The following BRD1 variants were observed in gnomAD, a reference collection of about 807,000 sequenced individuals.
BRD1 encodes bromodomain-containing protein 1.
A neutral mutation model predicts 107.7 loss-of-function variants in BRD1; 24 were observed. The observed-to-expected ratio is 0.22, with a 90% CI of 0.16 to 0.31. The LOEUF is 0.31. Among genes scored for constraint, BRD1 ranks in the 10% least tolerant of loss-of-function variants. The pLI is 1.00. For missense variants in BRD1, 1,279 were observed against 1,638.6 expected, an observed-to-expected ratio of 0.78 and a Z score of 3.79; for synonymous variants, 744 against 686.1, an observed-to-expected ratio of 1.08 and a Z score of -1.32.
At chr22:49,788,284 G>A (rs2059367900) in intron 7 of BRD1, among the ~76,000 whole-genome samples, 1 of 152,194 alleles carries the variant, frequency 6.6e-6, no homozygotes, top group Non-Finnish European at 1.5e-5. Flanking sequence ...GCTCTACTGG[G>A]CCACGAAGTT....
intron 8 of BRD1, among the ~76,000 whole-genome samples, chr22:49,787,154 A>G (rs1305077833): frequency 2.6e-5 from 4 of 152,234 alleles, no homozygotes; most frequent in African/African-American, 9.6e-5. Flanking sequence ...AGGGCAGCCC[A>G]GCAAGGTTGC....
intron 7 of BRD1, among the ~76,000 whole-genome samples, chr22:49,791,797 C>G (rs1320336584): frequency 2.6e-5 from 4 of 152,090 alleles, no homozygotes; most frequent in Non-Finnish European, 5.9e-5. Flanking sequence ...TCGGAGTGGA[C>G]TTTCAGGCCA....
rs758463076 is a variant in BRD1 at position 49,777,668 on chromosome 22, C to A, written c.2993+10G>T. ...CTGCGTGGTGGGAAGCGCAGGGCCG[C>A]GGTGCCCACCTCGAGTCGCAGAGCG... is the stretch of plus-strand genomic sequence containing the variant. On this transcript the variant is annotated intron_variant, in intron 9 of 12. Coordinates refer to ENST00000404760, the MANE Select transcript of BRD1 (RefSeq NM_001304808.3). The A allele has an allele frequency of 3.7e-6, 6 of 1,602,660 alleles. No homozygotes were observed. The South Asian group carries it at 6.7e-5, about 18-fold the overall frequency.
chr22:49,784,669 C>A (rs2059287689), intron 8 of BRD1, among the ~76,000 whole-genome samples: 1 of 152,252 alleles, frequency 6.6e-6, no homozygotes, highest in African/African-American at 2.4e-5. Flanking sequence ...TGGAAAACAT[C>A]AGAAGGTTCC....
chr22:49,775,567 G>A lies in BRD1; in HGVS notation c.3386+24C>T, dbSNP rs746726651. The stretch of plus-strand genomic sequence containing the variant: ...CCCCCAACCACCCCAGCCGGTCCCC[G>A]GAGTCTAAGGCCTCTCAACTCACCA... On this transcript the variant is annotated intron_variant, in intron 12 of 12. Coordinates refer to ENST00000404760, the MANE Select transcript of BRD1 (RefSeq NM_001304808.3). The A allele has an allele frequency of 1.6e-5, 24 of 1,457,018 alleles. 1 individual carries two copies. Among genetic ancestry groups the A allele is most frequent in the South Asian group, 1.1e-4 (7 of 64,004 alleles). 90.3% of individuals were successfully genotyped at this position (1,457,018 alleles called of 1,614,324 possible). A position where few individuals can be genotyped will look rare whatever the true frequency, so the allele number is the denominator to read the frequency against.
In BRD1 at chr22:49,823,792, C is replaced by T; in HGVS notation, c.526G>A (p.Asp176Asn). The stretch of plus-strand genomic sequence containing the variant: ...CTCTGCGACACGGCGGGGACGCAGT[C>T]GCCCTTGCGCTTCTCATTGACGATC... Reference protein sequence around the residue: ...LEIVNEKRKGDCVPAVSQSMF... With the variant: ...LEIVNEKRKGNCVPAVSQSMF... The change falls in exon 2 of 13, where the codon GAC becomes AAC. Residue 176 changes from aspartate to asparagine, a missense_variant. Physicochemically the swap from Asp to Asn is conservative, Grantham distance 23. Coordinates refer to ENST00000404760, the MANE Select transcript of BRD1 (RefSeq NM_001304808.3). 2 of 1,614,120 alleles carry T rather than the reference C, an allele frequency of 1.2e-6. No individual in the cohort carries two copies. Among genetic ancestry groups the T allele is most frequent in the Non-Finnish European group, 1.7e-6 (2 of 1,180,038 alleles).
rs774476438 is a variant in BRD1 at position 49,803,070 on chromosome 22, AG to A, written c.1524+1133del. On this transcript the variant is annotated intron_variant, in intron 3 of 12. Transcript: ENST00000404760. The surrounding 1 kb of genome is among the most constrained non-coding windows in gnomAD (Gnocchi z 4.4). The stretch of plus-strand genomic sequence containing the variant: ...ACAGCCAAGACGCACCAAGGCCGTC[AG>A]AAAACTTTGGACCCCACCACACCAA... 1.2e-4 allele frequency among the ~76,000 whole-genome samples: 19 copies of A among 152,252 alleles called. No homozygotes were observed. The highest frequency in any genetic ancestry group is 3.2e-3 in the Middle Eastern group (1 of 316).
At chr22:49,795,162 C>T (rs2059507234) in intron 6 of BRD1, among the ~76,000 whole-genome samples, 1 of 152,176 alleles carries the variant, frequency 6.6e-6, no homozygotes, top group African/African-American at 2.4e-5. Flanking sequence ...TCACTCTGAA[C>T]AAATGTCATA....
intron 1 of BRD1, among the ~76,000 whole-genome samples, chr22:49,826,555 C>G (rs1299827124): frequency 1.3e-5 from 2 of 152,234 alleles, no homozygotes; most frequent in Non-Finnish European, 2.9e-5. Flanking sequence ...GGGAAGGCTG[C>G]CCACAAGACG....
intron 4 of BRD1, 141 bp from the exon 5 acceptor site, chr22:49,798,827 C>T: frequency 7.0e-7 from 1 of 1,431,502 alleles, no homozygotes; most frequent in Non-Finnish European, 9.2e-7. Context: ...CCACTTAGGG[C>T]TCTGCAACCC....
intron 2 of BRD1, among the ~76,000 whole-genome samples, chr22:49,816,669 C>T (rs760911549): frequency 1.3e-5 from 2 of 152,154 alleles, no homozygotes; most frequent in African/African-American, 2.4e-5. Flanking sequence ...GAGGCCTAGG[C>T]AGGAGGATTG....
chr22:49,808,187 C>T (rs895469987), intron 2 of BRD1, among the ~76,000 whole-genome samples: 3 of 152,204 alleles, frequency 2.0e-5, no homozygotes, highest in African/African-American at 7.2e-5. Context: ...TCCGGGTATA[C>T]ACCCAAAAGA....
At position 49,798,695 on chromosome 22, in the gene BRD1, G is replaced by T. The variant is rs767689133; in HGVS notation, c.1657-9C>A. 1.3e-6 allele frequency: 2 copies of T among 1,587,348 alleles called. No individual in the cohort carries two copies. Among genetic ancestry groups the T allele is most frequent in the Non-Finnish European group, 1.7e-6 (2 of 1,168,510 alleles). On this transcript the variant is annotated splice_polypyrimidine_tract_variant and intron_variant, in intron 4 of 12. Coordinates refer to ENST00000404760, the MANE Select transcript of BRD1 (RefSeq NM_001304808.3). The stretch of plus-strand genomic sequence containing the variant: ...ACCTGCTCCACCTTCACCTGGGGGG[G>T]CCCAGCAGAGCCTCAGCTTTAGGGA...
Position 49,824,354 on chromosome 22 carries a change from G to A in BRD1, c.-14-23C>T, listed in dbSNP as rs1279153796. 1.2e-6 allele frequency: 2 copies of A among 1,606,454 alleles called. No homozygotes were observed. Among genetic ancestry groups the A allele is most frequent in the Non-Finnish European group, 8.5e-7 (1 of 1,175,234 alleles). Reference sequence around the variant, plus strand: ...TACCTAAAATGAAGGCAAAAGTAAAGGTAATTCTACGCAGGGTGACCAAAG... The same window carrying A: ...TACCTAAAATGAAGGCAAAAGTAAAAGTAATTCTACGCAGGGTGACCAAAG... On this transcript the variant is annotated intron_variant, in intron 1 of 12. Transcript: ENST00000404760. The surrounding 1 kb of genome is among the most constrained non-coding windows in gnomAD (Gnocchi z 5.9).
In BRD1 at chr22:49,823,160, A is replaced by G. The variant is rs750367887; in HGVS notation, c.1158T>C (p.Asp386=). ...TFSVRKTAYC[D]VHTPPGCTRR... ...GGGTGCAGCCTGGAGGCGTGTGGAC[A>G]TCACAGTAAGCGGTCTTTCTGACGG... The change falls in exon 2 of 13, where the codon GAT becomes GAC. Residue 386 remains aspartate, a synonymous_variant. Transcript: ENST00000404760. 2.5e-6 allele frequency: 4 copies of G among 1,614,216 alleles called. No individual in the cohort carries two copies. The highest frequency in any genetic ancestry group is 1.3e-5 in the African/African-American group (1 of 75,054).
intron 7 of BRD1, among the ~76,000 whole-genome samples, chr22:49,789,218 C>T (rs114652518): frequency 6.6e-6 from 1 of 152,182 alleles, no homozygotes; most frequent in Non-Finnish European, 1.5e-5. Context: ...GGCAGGGGCA[C>T]ATGCGAGGTG....
At chr22:49,805,877 G>C (rs540544790) in intron 2 of BRD1, 1 of 152,262 alleles carries the variant, frequency 6.6e-6, no homozygotes, top group East Asian at 1.9e-4. Flanking sequence ...TAGTAGCTGG[G>C]ACTACAGGCG....
chr22:49,787,661 C>T lies in BRD1; in HGVS notation c.2586G>A (p.Val862=), dbSNP rs1161506003. Residue 862 remains valine, a synonymous_variant, in exon 8 of 13, where the codon GTG becomes GTA. Transcript: ENST00000404760. The part of the protein sequence containing the change: ...PEPTRASSGD[V]PAAAASAVAE... Reference sequence around the variant, plus strand: ...CCACCGCGGAGGCCGCCGCCGCCGGCACATCGCCACTACTGGCGCGGGTGG... The same window carrying T: ...CCACCGCGGAGGCCGCCGCCGCCGGTACATCGCCACTACTGGCGCGGGTGG... 6.4e-7 allele frequency: 1 copy of T among 1,550,630 alleles called. No homozygotes were observed.
At chr22:49,819,514 C>G (rs2147369668) in intron 2 of BRD1, among the ~76,000 whole-genome samples, 1 of 152,238 alleles carries the variant, frequency 6.6e-6, no homozygotes, top group Non-Finnish European at 1.5e-5. Context: ...AACCATGCCA[C>G]TGCACCCGTC....
Sources: allele counts gnomAD v4.1 joint callset (sites outside exome capture counted in the v4.1 genomes callset), GRCh38; gene constraint gnomAD v4.1.1; non-coding constraint Gnocchi (gnomAD v3.1); transcripts MANE v1.5; gene names NCBI Gene and HGNC (gene_info 2026-07-23, HGNC 2026-07-21).